The following NXNL2 variants were observed in gnomAD, a reference collection of about 807,000 sequenced individuals.
NXNL2 encodes nucleoredoxin-like protein 2.
NXNL2 carries 7 observed loss-of-function variants against 11.1 expected under a neutral mutation model. That is an observed-to-expected ratio of 0.63 (90% CI 0.36 to 1.18). NXNL2 has a LOEUF of 1.18. Ranked by LOEUF, NXNL2 falls within the 50% of genes most tolerant of loss-of-function variation. NXNL2 has a pLI of 0.02. For synonymous variants in NXNL2, 109 were observed against 101.8 expected (o/e 1.07, Z -0.42); for missense variants, 233 against 217.7 (o/e 1.07, Z -0.44).
chr9:88,556,313 C>A (rs150396015), intron 1 of NXNL2, among the ~76,000 whole-genome samples: 1 of 152,170 alleles, frequency 6.6e-6, no homozygotes, highest in Non-Finnish European at 1.5e-5. Context: ...CAGCTCCTTT[C>A]TCACCCACTG....
chr9:88,547,860 T>C (rs1169357137), downstream of NXNL2, among the ~76,000 whole-genome samples: 1 of 149,826 alleles, frequency 6.7e-6, no homozygotes, highest in African/African-American at 2.5e-5. Context: ...CTACTAAAAA[T>C]ACAGAAATTA....
chr9:88,578,725 T>A (rs1263113997), downstream of NXNL2, among the ~76,000 whole-genome samples: 1 of 152,200 alleles, frequency 6.6e-6, no homozygotes, highest in Non-Finnish European at 1.5e-5. Context: ...CTCAGCCCCA[T>A]CTCCTGACTT....
chr9:88,563,433 C>G (rs1830114803), intron 1 of NXNL2, among the ~76,000 whole-genome samples: 1 of 152,216 alleles, frequency 6.6e-6, no homozygotes, highest in African/African-American at 2.4e-5. Context: ...TTCTTCACGT[C>G]CCACACCCGG....
intron 1 of NXNL2, among the ~76,000 whole-genome samples, chr9:88,580,876 T>C (rs975920846): frequency 2.3e-5 from 3 of 132,494 alleles, no homozygotes; most frequent in African/African-American, 1.0e-4. Context: ...TTGTCTCTAA[T>C]GACCTTCAGA....
At chr9:88,548,402 G>A (rs1432788329), downstream of NXNL2, among the ~76,000 whole-genome samples, 1 of 120,590 alleles carries the variant, frequency 8.3e-6, no homozygotes, top group African/African-American at 3.2e-5. Flanking sequence ...TGTAGCTCAT[G>A]CCTGTAATCC....
chr9:88,575,949 C>T (rs1830343747), downstream of NXNL2, among the ~76,000 whole-genome samples: 1 of 152,148 alleles, frequency 6.6e-6, no homozygotes, highest in African/African-American at 2.4e-5. Context: ...AATCCCAGCA[C>T]TTTGGGAGAC....
chr9:88,535,262 A>G lies in NXNL2; in HGVS notation c.-173A>G. The G allele has an allele frequency of 1.6e-6, 1 of 606,672 alleles. No homozygotes were observed. The highest frequency in any genetic ancestry group is 2.8e-6 in the Non-Finnish European group (1 of 354,828). 37.6% of individuals were successfully genotyped at this position (606,672 alleles called of 1,614,324 possible). A position where few individuals can be genotyped will look rare whatever the true frequency, so the allele number is the denominator to read the frequency against. ...TTGTCGGCGCGAACACAATTGCTCC[A>G]GCCACAGGCGAGGCCTGGCCAAGGT... On this transcript the variant is annotated 5_prime_UTR_variant, in exon 1 of 2. Transcript: ENST00000375854.
chr9:88,566,999 T>TCTATCTATCTACCTAC (rs1486988736), intron 1 of NXNL2, among the ~76,000 whole-genome samples: 1 of 145,700 alleles, frequency 6.9e-6, no homozygotes, highest in South Asian at 2.1e-4. Context: ...TATCTATCTA[T>TCTATCTATCTACCTAC]CTATCTATCT....
In NXNL2 at chr9:88,571,735, G is replaced by A. The variant is rs138857034; in HGVS notation, c.*16+527G>A. Among the ~76,000 whole-genome samples, 736 of 152,240 alleles carry A rather than the reference G, an allele frequency of 4.8e-3. 9 individuals are homozygous for A. The highest frequency in any genetic ancestry group is 0.017 in the African/African-American group (689 of 41,534). On this transcript the variant is annotated intron_variant, in intron 2 of 2. Coordinates refer to the NXNL2 transcript ENST00000375855. ...TGTAATTCACCAAGAGCTTTGCTCC[G>A]TCAGGAGGAGGGGCCCAGTCCCACC...
downstream of NXNL2, among the ~76,000 whole-genome samples, chr9:88,580,120 C>T (rs923796002): frequency 2.7e-5 from 4 of 147,064 alleles, no homozygotes; most frequent in African/African-American, 1.0e-4. Flanking sequence ...GCCTGGGTGA[C>T]AGAGCAAGAC....
At chr9:88,561,230 C>G (rs1045280262) in intron 1 of NXNL2, among the ~76,000 whole-genome samples, 2 of 152,110 alleles carry the variant, frequency 1.3e-5, no homozygotes, top group Non-Finnish European at 2.9e-5. Flanking sequence ...GCCTAGCCTC[C>G]CAGCCTACAT....
chr9:88,535,478 G>A lies in NXNL2; in HGVS notation c.44G>A (p.Gly15Asp), dbSNP rs752543455. 1.9e-6 allele frequency: 3 copies of A among 1,608,926 alleles called. No homozygotes were observed. In the African/African-American group the frequency reaches 4.0e-5, roughly 22 times the overall value. ...GAGCGGCACCTGGTGACCTGTAAGG[G>A]CGCGACGGTGGAGGCCGAGGCGGCG... ...LGERHLVTCK[G>D]ATVEAEAALQ... Residue 15 changes from glycine (G) to aspartate (D), a missense_variant, in exon 1 of 2, where the codon GGC (glycine) becomes GAC (aspartate). Coordinates refer to ENST00000375854, the MANE Select transcript of NXNL2 (RefSeq NM_001161625.2).
downstream of NXNL2, among the ~76,000 whole-genome samples, chr9:88,580,378 C>T (rs1407816468): frequency 6.6e-6 from 1 of 152,056 alleles, no homozygotes. Flanking sequence ...TGGTGTCGAA[C>T]TCCTGACCTC....
intron 1 of NXNL2, among the ~76,000 whole-genome samples, chr9:88,565,597 G>A (rs147276329): frequency 0.014 from 2,185 of 152,202 alleles, 49 homozygotes; most frequent in African/African-American, 0.049. Flanking sequence ...GAGTGCAGTG[G>A]CATGATCTTG....
chr9:88,572,645 G>A (rs1199685685), intron 2 of NXNL2, among the ~76,000 whole-genome samples: 2 of 152,188 alleles, frequency 1.3e-5, no homozygotes, highest in Non-Finnish European at 2.9e-5. Flanking sequence ...CAGGTGTTGG[G>A]AGGTGAAGGG....
intron 1 of NXNL2, among the ~76,000 whole-genome samples, chr9:88,554,830 A>G (rs552025809): frequency 1.6e-4 from 25 of 152,308 alleles, no homozygotes; most frequent in African/African-American, 5.3e-4. Context: ...TCAGGGCCCT[A>G]TAAATTTTTA....
At position 88,544,963 on chromosome 9, in the gene NXNL2, G is replaced by A. The variant is rs998604894; in HGVS notation, c.*416G>A. 2.4e-5 allele frequency: 22 copies of A among 920,462 alleles called. No homozygotes were observed. Among genetic ancestry groups the A allele is most frequent in the Non-Finnish European group, 2.9e-5 (22 of 770,594 alleles). 57.0% of individuals were successfully genotyped at this position (920,462 alleles called of 1,614,324 possible). Reference sequence around the variant, plus strand: ...ACTATCTTAATAAAGTTTGCAAGCTGTGTACTTTAATAAACAAGTCTATTG... The same window carrying A: ...ACTATCTTAATAAAGTTTGCAAGCTATGTACTTTAATAAACAAGTCTATTG... On this transcript the variant is annotated 3_prime_UTR_variant, in exon 2 of 2. Transcript: ENST00000375854.
chr9:88,565,599 A>G (rs890366838), intron 1 of NXNL2, among the ~76,000 whole-genome samples: 1 of 152,088 alleles, frequency 6.6e-6, no homozygotes, highest in Non-Finnish European at 1.5e-5. Flanking sequence ...GTGCAGTGGC[A>G]TGATCTTGGC....
rs894083046 is a variant in NXNL2 at position 88,543,303 on chromosome 9, G to C, written c.303-1076G>C. ...TTTTTTTTCCTTAGAAATGGGGTCT[G>C]CCGCCCAGGCTGGAATGTAGAGGCA... On this transcript the variant is annotated intron_variant, in intron 1 of 1. Transcript: ENST00000375854. 3.5e-4 allele frequency among the ~76,000 whole-genome samples: 53 copies of C among 150,926 alleles called. 1 individual carries two copies. The highest frequency in any genetic ancestry group is 5.9e-4 in the Non-Finnish European group (40 of 67,892).
Sources: gnomAD v4.1 joint callset for allele counts (sites outside exome capture counted in the v4.1 genomes callset) on GRCh38, gnomAD v4.1.1 for gene constraint, MANE v1.5 for transcripts, NCBI Gene and HGNC (gene_info 2026-07-23, HGNC 2026-07-21) for gene names.